FBXL13: variants seen among roughly 807,000 people sequenced by gnomAD.
FBXL13 encodes F-box and leucine-rich repeat protein 13.
A neutral mutation model predicts 83.6 loss-of-function variants in FBXL13; 67 were observed. The observed-to-expected ratio is 0.80, with a 90% CI of 0.66 to 0.98. The LOEUF is 0.98. Among genes scored for constraint, FBXL13 ranks in the 50% least tolerant of loss-of-function variants. The pLI is 0.00. For synonymous variants in FBXL13, 272 were observed against 299.5 expected, an observed-to-expected ratio of 0.91 and a Z score of 0.95; for missense variants, 822 against 866.5, an observed-to-expected ratio of 0.95 and a Z score of 0.64.
chr7:103,053,020 G>A (rs907377210), intron 2 of FBXL13, among the ~76,000 whole-genome samples: 1 of 151,818 alleles, frequency 6.6e-6, no homozygotes, highest in Admixed American at 6.6e-5. Context: ...GCCTCCCAAA[G>A]TGCTGGGATT....
At chr7:103,049,265 A>G (rs1288407953) in intron 2 of FBXL13, among the ~76,000 whole-genome samples, 1 of 152,224 alleles carries the variant, frequency 6.6e-6, no homozygotes, top group African/African-American at 2.4e-5. Context: ...ACAATTTTCA[A>G]AGGTCAAAGC....
At chr7:102,956,257 A>T (rs1363176475) in intron 8 of FBXL13, among the ~76,000 whole-genome samples, 1 of 152,212 alleles carries the variant, frequency 6.6e-6, no homozygotes, top group African/African-American at 2.4e-5. Flanking sequence ...GTAATCTATC[A>T]CATAAACAGA....
intron 17 of FBXL13, among the ~76,000 whole-genome samples, chr7:102,853,335 A>C (rs1313231136): frequency 6.6e-6 from 1 of 152,254 alleles, no homozygotes; most frequent in Non-Finnish European, 1.5e-5. Context: ...GGAAATAAGA[A>C]ATAAAGTGAA....
At chr7:102,828,407 A>G (rs1022132736) in intron 18 of FBXL13, among the ~76,000 whole-genome samples, 7 of 152,284 alleles carry the variant, frequency 4.6e-5, no homozygotes, top group Admixed American at 6.5e-5. Flanking sequence ...CCTTATGGTC[A>G]TTTTAAAACC....
At chr7:102,843,872 ATG>A (rs1357977259) in intron 17 of FBXL13, among the ~76,000 whole-genome samples, 4 of 152,338 alleles carry the variant, frequency 2.6e-5, no homozygotes, top group African/African-American at 9.6e-5. Flanking sequence ...GAAGAGGACA[ATG>A]AGAGAAGTGG....
rs1312377149 is a variant in FBXL13, at chr7:102,832,958, G to C, written c.1736C>G (p.Ser579Ter). The stretch of plus-strand genomic sequence containing the variant: ...GACATCCAAATGTTCCAAGATCAGT[G>C]AGCTTTTGCAGAATGCCTGCAAAAA... Residue 579 changes from serine to a stop codon, truncating the protein, a stop_gained, in exon 18 of 20, where the codon TCA becomes TGA. Transcript: ENST00000313221. LOFTEE classifies it high-confidence loss of function. The C allele has an allele frequency of 1.2e-6, 2 of 1,614,010 alleles. No individual in the cohort carries two copies. The highest frequency in any genetic ancestry group is 1.7e-6 in the Non-Finnish European group (2 of 1,180,000).
intron 6 of FBXL13, among the ~76,000 whole-genome samples, chr7:103,004,597 T>C (rs11976126): frequency 0.011 from 1,647 of 152,342 alleles, 32 homozygotes; most frequent in African/African-American, 0.038. Context: ...AGAACAGTTT[T>C]CCTGCAAAGA....
chr7:102,907,015 C>G (rs937459497), intron 11 of FBXL13, among the ~76,000 whole-genome samples: 2 of 151,984 alleles, frequency 1.3e-5, no homozygotes, highest in Non-Finnish European at 2.9e-5. Context: ...CTCTGTTGCC[C>G]AGGCTGGAGT....
chr7:102,825,273 G>A (rs150134547), intron 18 of FBXL13, among the ~76,000 whole-genome samples: 2 of 152,122 alleles, frequency 1.3e-5, no homozygotes, highest in Admixed American at 1.3e-4. Context: ...GAGGTAATCG[G>A]GTCATGAAGG....
At chr7:102,934,688 T>A in intron 8 of FBXL13, 2 of 1,573,558 alleles carry the variant, frequency 1.3e-6, no homozygotes, top group Non-Finnish European at 1.7e-6. Flanking sequence ...AAGGAAAGGT[T>A]TGTACTTTTC....
At chr7:102,967,283 TTTTG>T (rs1234186845) in intron 7 of FBXL13, among the ~76,000 whole-genome samples, 47 of 114,870 alleles carry the variant, frequency 4.1e-4, no homozygotes, top group African/African-American at 1.4e-3. Flanking sequence ...TTTTTTTTTT[TTTTG>T]AATGATACAG....
intron 1 of FBXL13, among the ~76,000 whole-genome samples, chr7:103,072,171 A>G (rs966830286): frequency 8.6e-5 from 13 of 151,732 alleles, no homozygotes; most frequent in Non-Finnish European, 1.9e-4. Context: ...CGACAGAGCT[A>G]GACTCTGTCT....
At chr7:102,927,940 T>C (rs1818448058) in intron 9 of FBXL13, among the ~76,000 whole-genome samples, 1 of 152,228 alleles carries the variant, frequency 6.6e-6, no homozygotes, top group South Asian at 2.1e-4. Flanking sequence ...TGAAAGACCT[T>C]GGCAAAATGC....
chr7:102,927,848 G>A (rs1462825510), intron 9 of FBXL13, among the ~76,000 whole-genome samples: 2 of 152,180 alleles, frequency 1.3e-5, no homozygotes, highest in Non-Finnish European at 2.9e-5. Context: ...ACCACGTGTG[G>A]CACTGTATTT....
At chr7:103,051,655 T>C (rs1202162032) in intron 2 of FBXL13, among the ~76,000 whole-genome samples, 1 of 152,216 alleles carries the variant, frequency 6.6e-6, no homozygotes, top group East Asian at 1.9e-4. Context: ...GGAGTTTAAT[T>C]GAACGATGAA....
intron 6 of FBXL13, among the ~76,000 whole-genome samples, chr7:103,023,635 G>T (rs1243250800): frequency 2.0e-5 from 3 of 152,108 alleles, no homozygotes; most frequent in African/African-American, 7.2e-5. Flanking sequence ...TATGCCCAAA[G>T]GAATATAAAT....
chr7:103,019,026 C>T (rs553773804), intron 6 of FBXL13, among the ~76,000 whole-genome samples: 7 of 152,276 alleles, frequency 4.6e-5, no homozygotes, highest in Admixed American at 6.5e-5. Context: ...ATACATTCTT[C>T]GCAGCACCAC....
At chr7:102,944,332 C>A in intron 8 of FBXL13, 1 of 1,613,980 alleles carries the variant, frequency 6.2e-7, no homozygotes, top group Non-Finnish European at 8.5e-7. Flanking sequence ...CAGAGATAAC[C>A]CTTGGAGATG....
At chr7:103,031,461 T>C (rs1794503900) in intron 2 of FBXL13, 2 of 152,212 alleles carry the variant, frequency 1.3e-5, no homozygotes, top group South Asian at 2.1e-4. Context: ...TTCTCCACCA[T>C]CTGACTACCA....
Sources: allele counts gnomAD v4.1 joint callset (sites outside exome capture counted in the v4.1 genomes callset), GRCh38; gene constraint gnomAD v4.1.1; transcripts MANE v1.5; gene names NCBI Gene and HGNC (gene_info 2026-07-23, HGNC 2026-07-21).